The following CLCN2 variants were observed in gnomAD, a reference collection of about 807,000 sequenced individuals.
The protein encoded by CLCN2 is chloride voltage-gated channel 2, also known as chloride channel protein 2.
CLCN2 carries 72 observed loss-of-function variants against 108.3 expected under a neutral mutation model. The ratio of observed to expected loss-of-function variants is 0.66; its 90% CI spans 0.55 to 0.81. The LOEUF is 0.81. CLCN2 is among the 30% of genes least tolerant of loss of function. The pLI, the probability that CLCN2 is intolerant of heterozygous loss-of-function variation, is 0.00. For missense variants in CLCN2, 1,048 were observed against 1,205.2 expected (o/e 0.87, Z 1.93); for synonymous variants, 471 against 467.1 (o/e 1.01, Z -0.11).
At chr3:184,350,792 GTTTTC>G (rs1341701118) in intron 22 of CLCN2, among the ~76,000 whole-genome samples, 4 of 152,172 alleles carry the variant, frequency 2.6e-5, no homozygotes, top group Non-Finnish European at 5.9e-5. Flanking sequence ...CTGAATCTCA[GTTTTC>G]TTATCTATAA....
intron 1 of CLCN2, among the ~76,000 whole-genome samples, chr3:184,359,986 TGGGG>T (rs1177625073): frequency 1.8e-4 from 1 of 5,564 alleles, no homozygotes; most frequent in Non-Finnish European, 3.5e-4. Flanking sequence ...GGGGCTGGGA[TGGGG>T]GGGAGGGAGG....
Position 184,358,312 on chromosome 3 carries a change from T to G in CLCN2, c.353-2A>C, listed in dbSNP as rs751735355. ...AGCCCCGGGACATCCACTGCTGGGC[T>G]GTGGGAAGAGGACCTGCTGGACCCC... On this transcript the variant is annotated splice_acceptor_variant, in intron 3 of 23. Coordinates refer to ENST00000265593, the MANE Select transcript of CLCN2 (RefSeq NM_004366.6). LOFTEE classifies it high-confidence loss of function. 5 of 1,613,786 alleles carry G rather than the reference T, an allele frequency of 3.1e-6. No homozygotes were observed. The highest frequency in any genetic ancestry group is 4.2e-6 in the Non-Finnish European group (5 of 1,180,020).
chr3:184,354,507 TGG>T, intron 14 of CLCN2, 39 bp downstream of exon 14: 2 of 1,325,382 alleles, frequency 1.5e-6, no homozygotes, highest in Non-Finnish European at 2.1e-6. Flanking sequence ...GGGGCGTGGG[TGG>T]GGGGGTCTCC....
chr3:184,352,355 G>C, intron 20 of CLCN2, 24 bp from the exon 21 acceptor site: 2 of 1,613,748 alleles, frequency 1.2e-6, no homozygotes, highest in Non-Finnish European at 8.5e-7. Context: ...AGGGAGGCTG[G>C]CAGCTAGGGG....
Position 184,354,166 on chromosome 3 carries a change from G to C in CLCN2, c.1656C>G (p.Leu552=). 1 of 1,613,362 alleles carries C rather than the reference G, an allele frequency of 6.2e-7. No homozygotes were observed. The highest frequency in any genetic ancestry group is 1.1e-5 in the South Asian group (1 of 91,034). ...TCTTGATTCGGATGATGCTGTCATA[G>C]AGGGAGGGCTGCAGACTCTGGGCGA... ...NAVAQSLQPS[L]YDSIIRIKKL... Residue 552 remains leucine (L), a synonymous_variant, in exon 15 of 24, where the codon CTC becomes CTG. Coordinates refer to ENST00000265593, the MANE Select transcript of CLCN2 (RefSeq NM_004366.6).
intron 10 of CLCN2, chr3:184,356,152 C>T (rs1728529993): frequency 2.1e-5 from 7 of 333,840 alleles, no homozygotes. Flanking sequence ...CTTTGTCTCT[C>T]TGCAGTGACT....
chr3:184,353,257 C>T lies in CLCN2; in HGVS notation c.2021G>A (p.Cys674Tyr). 2 of 1,614,068 alleles carry T rather than the reference C, an allele frequency of 1.2e-6. No individual in the cohort carries two copies. The highest frequency in any genetic ancestry group is 1.7e-6 in the Non-Finnish European group (2 of 1,179,990). Reference sequence around the variant, plus strand: ...TGTGGCTTTTCCCCTCACCTGGAAGCAGACAGAAGCCTCAGGGGTAGGGGG... The same window carrying T: ...TGTGGCTTTTCCCCTCACCTGGAAGTAGACAGAAGCCTCAGGGGTAGGGGG... ...EGPPTPEASVCFQVNTEDSAF... is the reference protein window; with the variant it reads ...EGPPTPEASVYFQVNTEDSAF... Residue 674 changes from cysteine (C) to tyrosine (Y), a missense_variant, in exon 17 of 24, where the codon TGC becomes TAC. Cys to Tyr is a radical substitution (Grantham distance 194). Coordinates refer to ENST00000265593, the MANE Select transcript of CLCN2 (RefSeq NM_004366.6).
At chr3:184,348,000 T>C (rs944727357) in intron 22 of CLCN2, 7 of 152,258 alleles carry the variant, frequency 4.6e-5, no homozygotes, top group Non-Finnish European at 8.8e-5. Flanking sequence ...TGAGTTTACT[T>C]GTAAGCCTCT....
chr3:184,354,416 A>T, intron 14 of CLCN2, 102 bp from the exon 15 acceptor site: 2 of 1,341,026 alleles, frequency 1.5e-6, no homozygotes, highest in Non-Finnish European at 2.1e-6. Flanking sequence ...TGCCCAATAC[A>T]GTCCTGGGAT....
At position 184,358,493 on chromosome 3, in the gene CLCN2, G is replaced by A; in HGVS notation, c.353-183C>T. On this transcript the variant is annotated intron_variant, in intron 3 of 23. Transcript: ENST00000265593. The stretch of plus-strand genomic sequence containing the variant: ...GCAATCTAGGCAAGAGGATCACTTG[G>A]AGAGGGGATGCAAGAAGCTGTGCCC... 6 of 1,092,394 alleles carry A rather than the reference G, an allele frequency of 5.5e-6. 1 individual carries two copies. The highest frequency in any genetic ancestry group is 8.2e-6 in the Non-Finnish European group (6 of 732,826). 67.7% of individuals were successfully genotyped at this position (1,092,394 alleles called of 1,614,324 possible).
At position 184,357,870 on chromosome 3, in the gene CLCN2, C is replaced by T. The variant is rs771245923; in HGVS notation, c.616-14G>A. On this transcript the variant is annotated splice_polypyrimidine_tract_variant and intron_variant, in intron 5 of 23. Transcript: ENST00000265593. Reference sequence around the variant, plus strand: ...CACAAAAGGGCCCTGCGGGGTGGGGCAGGCGGTGAGTCGGGAGGGGGCCCG... The same window carrying T: ...CACAAAAGGGCCCTGCGGGGTGGGGTAGGCGGTGAGTCGGGAGGGGGCCCG... 1.2e-4 allele frequency: 192 copies of T among 1,613,626 alleles called. No homozygotes were observed. Among genetic ancestry groups the T allele is most frequent in the Non-Finnish European group, 2.5e-6 (3 of 1,180,032 alleles).
intron 13 of CLCN2, 111 bp downstream of exon 13, chr3:184,354,793 G>A: frequency 4.3e-6 from 6 of 1,386,088 alleles, no homozygotes; most frequent in Non-Finnish European, 6.2e-6. Flanking sequence ...TGGGGTCAGG[G>A]TTCGGGCTAG....
Position 184,357,815 on chromosome 3 carries a change from G to T in CLCN2, c.657C>A (p.Leu219=). 6.2e-7 allele frequency: 1 copy of T among 1,614,012 alleles called. No individual in the cohort carries two copies. Among genetic ancestry groups the T allele is most frequent in the Non-Finnish European group, 8.5e-7 (1 of 1,180,030 alleles). The change falls in exon 6 of 24, where the codon CTC becomes CTA. Residue 219 remains leucine, a synonymous_variant. Transcript: ENST00000265593. ...VHIASMCAAL[L]SKFLSLFGGI... ...CCCCAAAGAGGGAGAGGAACTTGCT[G>T]AGAAGGGCAGCACACATGCTTGCGA...
In CLCN2 at chr3:184,357,507, C is replaced by G. The variant is rs1474398805; in HGVS notation, c.773-20G>C. 1 of 1,614,122 alleles carries G rather than the reference C, an allele frequency of 6.2e-7. No individual in the cohort carries two copies. Among genetic ancestry groups the G allele is most frequent in the Admixed American group, 1.7e-5 (1 of 60,034 alleles). ...GGACGCCTGTGAGGGGGAGGGAGAC[C>G]AGCACTTGAGGCCTGGGCCTGGCCT... On this transcript the variant is annotated intron_variant, in intron 7 of 23. Coordinates refer to ENST00000265593, the MANE Select transcript of CLCN2 (RefSeq NM_004366.6).
chr3:184,348,427 TAGTG>T, intron 22 of CLCN2: 1 of 143,852 alleles, frequency 7.0e-6, no homozygotes, highest in South Asian at 2.1e-4. Context: ...GCAGAGGCTA[TAGTG>T]AGCCATGATC....
At chr3:184,352,968 C>G in intron 18 of CLCN2, 65 bp downstream of exon 18, 13 of 1,552,786 alleles carry the variant, frequency 8.4e-6, no homozygotes, top group Non-Finnish European at 1.2e-5. Context: ...CAGGGCTGGG[C>G]AGGGACTCTA....
At chr3:184,347,071 C>G (rs773008113) in intron 22 of CLCN2, 50 bp from the exon 23 acceptor site, 1 of 1,513,602 alleles carries the variant, frequency 6.6e-7, no homozygotes, top group South Asian at 1.1e-5. Flanking sequence ...AGGGGCAGCT[C>G]TAAATGACAG....
rs1728209621 is a variant in CLCN2, at chr3:184,352,749, C to T, written c.2205G>A (p.Glu735=). ...TCCAGCCACTCACCTCCGAAGCAGC[C>T]TCAGGGGGTGGACTGCCACAGAAGA... ...RSLFCGSPPP[E]AASEKLESCE... Residue 735 remains glutamate (E), a synonymous_variant, in exon 19 of 24, where the codon GAG becomes GAA. Transcript: ENST00000265593. 2 of 1,613,186 alleles carry T rather than the reference C, an allele frequency of 1.2e-6. No homozygotes were observed. Among genetic ancestry groups the T allele is most frequent in the Non-Finnish European group, 1.7e-6 (2 of 1,179,996 alleles).
chr3:184,356,857 T>C, intron 10 of CLCN2, 136 bp downstream of exon 10: 2 of 707,152 alleles, frequency 2.8e-6, no homozygotes, highest in Non-Finnish European at 5.1e-6. Context: ...TCAGTCAGCC[T>C]GGAAAACACT....
Sources: gnomAD v4.1 joint callset for allele counts (sites outside exome capture counted in the v4.1 genomes callset) on GRCh38, gnomAD v4.1.1 for gene constraint, MANE v1.5 for transcripts, NCBI Gene and HGNC (gene_info 2026-07-23, HGNC 2026-07-21) for gene names.